Variants in TAOK1 observed in about 807,000 individuals in gnomAD.
The protein encoded by TAOK1 is serine/threonine-protein kinase TAO1.
Under a neutral mutation model 138.3 loss-of-function variants are expected in TAOK1, and 21 were observed. The ratio of observed to expected loss-of-function variants is 0.15; its 90% CI spans 0.11 to 0.22. The LOEUF is 0.22. Among genes scored for constraint, TAOK1 ranks in the 10% least tolerant of loss-of-function variants. The probability of loss-of-function intolerance (pLI) is 1.00; values close to 1 mark genes in which losing one functional copy is unlikely to be tolerated. For synonymous variants in TAOK1, 361 were observed against 398.4 expected, an observed-to-expected ratio of 0.91 and a Z score of 1.12; for missense variants, 651 against 1,227.7, an observed-to-expected ratio of 0.53 and a Z score of 7.02.
chr17:29,437,225 G>A (rs1201173839), intron 1 of TAOK1, among the ~76,000 whole-genome samples: 1 of 151,852 alleles, frequency 6.6e-6, no homozygotes. Context: ...CACCACGCCC[G>A]GCTAATTTTT....
At chr17:29,397,599 T>TAC (rs1555555297) in intron 1 of TAOK1, among the ~76,000 whole-genome samples, 1 of 57,596 alleles carries the variant, frequency 1.7e-5, no homozygotes, top group African/African-American at 7.8e-5. Context: ...TGAGATTCCG[T>TAC]CCCCCCCCAA....
intron 16 of TAOK1, among the ~76,000 whole-genome samples, chr17:29,518,842 T>C: frequency 6.6e-6 from 1 of 152,014 alleles, no homozygotes; most frequent in East Asian, 1.9e-4. Context: ...TCTCGGCTCA[T>C]TGCAACCTCC....
intron 1 of TAOK1, among the ~76,000 whole-genome samples, chr17:29,408,759 C>T (rs979149797): frequency 1.3e-5 from 2 of 151,736 alleles, no homozygotes; most frequent in Non-Finnish European, 2.9e-5. Flanking sequence ...GTCACCTAGG[C>T]TGGAATGCAG....
At chr17:29,426,127 G>T (rs1179595379) in intron 1 of TAOK1, among the ~76,000 whole-genome samples, 1 of 152,146 alleles carries the variant, frequency 6.6e-6, no homozygotes, top group African/African-American at 2.4e-5. Flanking sequence ...TGATCCACCT[G>T]CCTCAGCCTC....
At chr17:29,416,258 C>T (rs1046766271) in intron 1 of TAOK1, among the ~76,000 whole-genome samples, 8 of 151,748 alleles carry the variant, frequency 5.3e-5, no homozygotes, top group Non-Finnish European at 1.2e-4. Flanking sequence ...AGTGAGACTC[C>T]GTTTCAAAAA....
At chr17:29,541,523 CCCAGCACTTTGGGAGG>C (rs1177817097) in intron 19 of TAOK1, among the ~76,000 whole-genome samples, 1 of 151,778 alleles carries the variant, frequency 6.6e-6, no homozygotes, top group Non-Finnish European at 1.5e-5. Flanking sequence ...AATCCTCAAT[CCCAGCACTTTGGGAGG>C]CTGAGGCGGG....
At chr17:29,411,547 A>G (rs1334859413) in intron 1 of TAOK1, among the ~76,000 whole-genome samples, 1 of 150,356 alleles carries the variant, frequency 6.7e-6, no homozygotes, top group African/African-American at 2.4e-5. Flanking sequence ...ACACACCGCC[A>G]TGCCTGGCTA....
At chr17:29,457,897 T>A (rs1445277691) in intron 2 of TAOK1, among the ~76,000 whole-genome samples, 4 of 151,630 alleles carry the variant, frequency 2.6e-5, no homozygotes, top group African/African-American at 9.7e-5. Flanking sequence ...GATCAGGAGG[T>A]CAGGAGATCG....
Position 29,522,364 on chromosome 17 carries a change from C to T in TAOK1, c.1993C>T (p.Arg665Cys), listed in dbSNP as rs1023877006. Reference sequence around the variant, plus strand: ...TGAATCTATGCAAGAACTGGAGTTCCGCCACCTCAACACAATTCAGAAGAT... The same window carrying T: ...TGAATCTATGCAAGAACTGGAGTTCTGCCACCTCAACACAATTCAGAAGAT... ...QHESMQELEF[R>C]HLNTIQKMRC... Residue 665 changes from arginine (R) to cysteine (C), a missense_variant, in exon 17 of 20, where the codon CGC becomes TGC. Transcript: ENST00000261716. The T allele has an allele frequency of 3.1e-6, 5 of 1,614,040 alleles. No individual in the cohort carries two copies. The highest frequency in any genetic ancestry group is 4.2e-6 in the Non-Finnish European group (5 of 1,180,046).
intron 2 of TAOK1, among the ~76,000 whole-genome samples, chr17:29,463,428 G>A (rs773150741): frequency 6.6e-6 from 1 of 152,004 alleles, no homozygotes; most frequent in Non-Finnish European, 1.5e-5. Flanking sequence ...AAAATTAGCC[G>A]GGCATGGTGG....
At chr17:29,478,419 C>T (rs1028557494) in intron 6 of TAOK1, 72 bp downstream of exon 6, 24 of 1,104,956 alleles carry the variant, frequency 2.2e-5, no homozygotes, top group Middle Eastern at 4.8e-4. Flanking sequence ...AATTTATTAA[C>T]TCTAAAGTTT....
intron 17 of TAOK1, among the ~76,000 whole-genome samples, chr17:29,528,020 T>A (rs956065025): frequency 6.6e-6 from 1 of 152,104 alleles, no homozygotes; most frequent in African/African-American, 2.4e-5. Context: ...TTTGAAAGAT[T>A]AGTTTTGTTA....
At chr17:29,442,996 A>C (rs1286208990) in intron 1 of TAOK1, among the ~76,000 whole-genome samples, 1 of 152,122 alleles carries the variant, frequency 6.6e-6, no homozygotes, top group African/African-American at 2.4e-5. Context: ...TTATAATTAC[A>C]TATGTGTGTG....
chr17:29,510,944 C>G lies in TAOK1; in HGVS notation c.1656C>G (p.Leu552=), dbSNP rs548664028. 2.5e-6 allele frequency: 4 copies of G among 1,610,048 alleles called. No homozygotes were observed. The highest frequency in any genetic ancestry group is 1.7e-5 in the Admixed American group (1 of 59,388). Residue 552 remains leucine (L), a synonymous_variant, in exon 15 of 20, where the codon CTC becomes CTG. Coordinates refer to ENST00000261716, the MANE Select transcript of TAOK1 (RefSeq NM_020791.4). ...AQQKKELNSF[L]ESQKREYKLR... ...AGAAGAAAGAACTGAATAGTTTTCT[C>G]GAGTCCCAGAAAAGAGAGTATAAAC...
chr17:29,451,139 C>T (rs2030224356), intron 1 of TAOK1, among the ~76,000 whole-genome samples: 1 of 152,170 alleles, frequency 6.6e-6, no homozygotes, highest in Non-Finnish European at 1.5e-5. Context: ...AAAATAGTCT[C>T]TTTTATATTA....
chr17:29,473,824 T>G (rs1003205870), intron 3 of TAOK1, among the ~76,000 whole-genome samples: 2 of 151,878 alleles, frequency 1.3e-5, no homozygotes, highest in African/African-American at 4.8e-5. Flanking sequence ...CCTCCTGGGT[T>G]CAAACGATTC....
intron 3 of TAOK1, among the ~76,000 whole-genome samples, chr17:29,474,752 CA>C (rs1466843793): frequency 2.0e-5 from 3 of 150,988 alleles, no homozygotes; most frequent in Non-Finnish European, 2.9e-5. Context: ...TGAGAGTTAC[CA>C]AAAGGTGACA....
chr17:29,501,587 G>T (rs1394705898), intron 12 of TAOK1, among the ~76,000 whole-genome samples: 4 of 152,128 alleles, frequency 2.6e-5, no homozygotes, highest in African/African-American at 9.7e-5. Context: ...GTATTAAAAA[G>T]ATAGCTCCAT....
intron 1 of TAOK1, among the ~76,000 whole-genome samples, chr17:29,397,647 T>TGATACATGTATAC: frequency 1.6e-5 from 1 of 61,600 alleles, no homozygotes; most frequent in South Asian, 7.2e-4. Context: ...TACATGTATA[T>TGATACATGTATAC]ATGTATATTC....
Sources: gnomAD v4.1 joint callset for allele counts (sites outside exome capture counted in the v4.1 genomes callset) on GRCh38, gnomAD v4.1.1 for gene constraint, MANE v1.5 for transcripts, NCBI Gene and HGNC (gene_info 2026-07-23, HGNC 2026-07-21) for gene names.